Variants in TBL1X observed in about 807,000 individuals in gnomAD.
The protein encoded by TBL1X is transducin beta like 1 X-linked, also known as F-box-like/WD repeat-containing protein TBL1X.
In TBL1X, 10 loss-of-function variants were observed where a neutral mutation model predicts 50.7. The ratio of observed to expected loss-of-function variants is 0.20; its 90% CI spans 0.12 to 0.33. The LOEUF is 0.33. TBL1X is among the 10% of genes least tolerant of loss of function. TBL1X has a pLI of 1.00. For synonymous variants in TBL1X, 190 were observed against 214.7 expected, an observed-to-expected ratio of 0.88 and a Z score of 1.01; for missense variants, 340 against 504.4, an observed-to-expected ratio of 0.67 and a Z score of 3.12.
chrX:9,486,589 A>ACCCCCCCCCCCCCCCCCCC (rs369631747), intron 1 of TBL1X, among the ~76,000 whole-genome samples: 8 of 99,187 alleles, frequency 8.1e-5, no homozygotes, highest in Non-Finnish European at 1.4e-4. Context: ...CAGAACACAC[A>ACCCCCCCCCCCCCCCCCCC]CCCCCCCCCC....
At chrX:9,552,543 G>A (rs765357537) in intron 2 of TBL1X, among the ~76,000 whole-genome samples, 89 of 111,521 alleles carry the variant, frequency 8.0e-4, no homozygotes, top group Non-Finnish European at 1.3e-3. Context: ...GGAGGCCATA[G>A]ACCTTGTGAG....
chrX:9,663,897 G>A (rs938457933), intron 5 of TBL1X, among the ~76,000 whole-genome samples: 2 of 111,173 alleles, frequency 1.8e-5, no homozygotes, highest in Non-Finnish European at 3.8e-5. Flanking sequence ...ATGGGAGCAC[G>A]TGCGTACAAA....
chrX:9,485,317 A>G (rs1272711771), intron 1 of TBL1X, among the ~76,000 whole-genome samples: 2 of 112,442 alleles, frequency 1.8e-5, no homozygotes, highest in East Asian at 2.8e-4. Context: ...TAGTTGTTCC[A>G]GGTATTTCTC....
chrX:9,491,338 A>ATATATATATATATATATTT (rs1328551249), intron 1 of TBL1X, among the ~76,000 whole-genome samples: 1 of 31,310 alleles, frequency 3.2e-5, no homozygotes, highest in Non-Finnish European at 5.6e-5. Flanking sequence ...ATATATATAT[A>ATATATATATATATATATTT]TTTTTTTTTT....
chrX:9,690,637 A>C (rs2146636828), intron 7 of TBL1X, among the ~76,000 whole-genome samples: 1 of 112,323 alleles, frequency 8.9e-6, no homozygotes, highest in Non-Finnish European at 1.9e-5. Flanking sequence ...CCATAACAGT[A>C]GCCATAGACA....
At chrX:9,467,840 CAT>C (rs1270325156) in intron 1 of TBL1X, among the ~76,000 whole-genome samples, 1 of 111,764 alleles carries the variant, frequency 8.9e-6, no homozygotes, top group African/African-American at 3.3e-5. Context: ...AAGAAGTCCA[CAT>C]GTTTCTAAAG....
chrX:9,628,205 G>A (rs2082702307), intron 2 of TBL1X, among the ~76,000 whole-genome samples: 1 of 112,444 alleles, frequency 8.9e-6, no homozygotes, highest in Non-Finnish European at 1.9e-5. Flanking sequence ...TTTCCTAACT[G>A]TGGCACTGTT....
intron 3 of TBL1X, among the ~76,000 whole-genome samples, chrX:9,647,416 G>A (rs1023710305): frequency 5.4e-5 from 6 of 111,735 alleles, no homozygotes; most frequent in Admixed American, 2.9e-4. Context: ...TCGTTTTTGC[G>A]CAATCACAAC....
intron 2 of TBL1X, among the ~76,000 whole-genome samples, chrX:9,607,812 T>C (rs1023333524): frequency 1.8e-5 from 2 of 109,921 alleles, no homozygotes; most frequent in Non-Finnish European, 3.8e-5. Flanking sequence ...TTTAAGTTGA[T>C]TTATTTATTT....
At chrX:9,549,579 C>T (rs966407277) in intron 2 of TBL1X, among the ~76,000 whole-genome samples, 1 of 111,652 alleles carries the variant, frequency 9.0e-6, no homozygotes, top group Non-Finnish European at 1.9e-5. Context: ...CGCCGACCCC[C>T]TCTCTGTGGA....
chrX:9,571,238 GT>G (rs1475904066), intron 2 of TBL1X, among the ~76,000 whole-genome samples: 1 of 111,604 alleles, frequency 9.0e-6, no homozygotes, highest in Non-Finnish European at 1.9e-5. Flanking sequence ...GAGCGTCTGT[GT>G]ATGGGTGGGG....
intron 2 of TBL1X, among the ~76,000 whole-genome samples, chrX:9,525,541 G>A: frequency 8.9e-6 from 1 of 111,732 alleles, no homozygotes; most frequent in African/African-American, 3.3e-5. Context: ...ATAAGGAGAA[G>A]TTTTTGCTGA....
chrX:9,511,039 C>T (rs972310797), intron 2 of TBL1X, among the ~76,000 whole-genome samples: 4 of 112,183 alleles, frequency 3.6e-5, no homozygotes, highest in African/African-American at 1.3e-4. Context: ...GCCACAGCAG[C>T]CAAGTTGAAT....
intron 2 of TBL1X, among the ~76,000 whole-genome samples, chrX:9,556,013 C>T (rs2082296056): frequency 9.2e-6 from 1 of 108,507 alleles, no homozygotes; most frequent in Non-Finnish European, 1.9e-5. Context: ...CATGGCAAAA[C>T]CTCATCTCCA....
At chrX:9,598,786 C>G (rs1249071705) in intron 2 of TBL1X, among the ~76,000 whole-genome samples, 1 of 111,458 alleles carries the variant, frequency 9.0e-6, no homozygotes, top group Non-Finnish European at 1.9e-5. Context: ...CTGTGCCCAT[C>G]TTCCAGCTTC....
intron 5 of TBL1X, among the ~76,000 whole-genome samples, chrX:9,657,343 C>T (rs1418111826): frequency 8.9e-6 from 1 of 112,427 alleles, no homozygotes; most frequent in Non-Finnish European, 1.9e-5. Context: ...AGCCCTGCTT[C>T]TCTGCCCTGG....
chrX:9,544,020 C>A (rs1357036016), intron 2 of TBL1X, among the ~76,000 whole-genome samples: 1 of 111,661 alleles, frequency 9.0e-6, no homozygotes, highest in African/African-American at 3.3e-5. Flanking sequence ...CCACCCCTGC[C>A]CCCACTTAGA....
chrX:9,645,915 T>C (rs1442791310), intron 3 of TBL1X, among the ~76,000 whole-genome samples: 1 of 112,281 alleles, frequency 8.9e-6, no homozygotes, highest in Non-Finnish European at 1.9e-5. Context: ...ATCTTTCCAT[T>C]AACCTAGCTT....
chrX:9,508,851 C>T lies in TBL1X; in HGVS notation c.-131+7002C>T, dbSNP rs140074445. Among the ~76,000 whole-genome samples the T allele has an allele frequency of 6.9e-4, 76 of 110,647 alleles. 1 individual carries two copies. Among genetic ancestry groups the T allele is most frequent in the African/African-American group, 2.1e-3 (64 of 30,386 alleles). On this transcript the variant is annotated intron_variant, in intron 2 of 17. Coordinates refer to ENST00000645353, the MANE Select transcript of TBL1X (RefSeq NM_005647.4). ...CTAGCACAGAAACAAAACCAAACAC[C>T]GCATATTCTCACTCATAAGGGGGAG...
Sources: allele counts gnomAD v4.1 joint callset (sites outside exome capture counted in the v4.1 genomes callset), GRCh38; gene constraint gnomAD v4.1.1; transcripts MANE v1.5; gene names NCBI Gene and HGNC (gene_info 2026-07-23, HGNC 2026-07-21).